Variants in PDGFC observed in about 807,000 individuals in gnomAD.
The protein encoded by PDGFC is platelet derived growth factor C.
A neutral mutation model predicts 35.5 loss-of-function variants in PDGFC; 12 were observed. That is an observed-to-expected ratio of 0.34 (90% CI 0.22 to 0.55). The LOEUF is 0.55. Ranked by LOEUF, PDGFC falls within the 20% of genes least tolerant of loss-of-function variation. PDGFC has a pLI of 0.91. For missense variants in PDGFC, 322 were observed against 412.4 expected (o/e 0.78, Z 1.90); for synonymous variants, 159 against 148.8 (o/e 1.07, Z -0.50).
chr4:156,903,352 T>G (rs1318044322), intron 1 of PDGFC, among the ~76,000 whole-genome samples: 2 of 152,058 alleles, frequency 1.3e-5, no homozygotes, highest in South Asian at 2.1e-4. Context: ...AAACATGCAC[T>G]TAATGAAAAC....
chr4:156,846,799 C>T (rs1729336938), intron 2 of PDGFC, among the ~76,000 whole-genome samples: 1 of 151,286 alleles, frequency 6.6e-6, no homozygotes, highest in Admixed American at 6.6e-5. Context: ...AGATATTTTC[C>T]CTAAGGGGAA....
chr4:156,858,399 A>T (rs561259491), intron 1 of PDGFC, among the ~76,000 whole-genome samples: 2 of 152,250 alleles, frequency 1.3e-5, no homozygotes, highest in African/African-American at 2.4e-5. Context: ...CCAAGTATAT[A>T]CACACAGAAT....
At position 156,878,291 on chromosome 4, in the gene PDGFC, T is replaced by G. The variant is rs534789035; in HGVS notation, c.119-27875A>C. On this transcript the variant is annotated intron_variant, in intron 1 of 5. Transcript: ENST00000502773. The stretch of plus-strand genomic sequence containing the variant: ...TGAGGAGGGTGAGAGCAAGGAGCAG[T>G]GAAGTCCAGTCACCAGATCCAATCA... Among the ~76,000 whole-genome samples, 10 of 152,274 alleles carry G rather than the reference T, an allele frequency of 6.6e-5. No homozygotes were observed. In the South Asian group the frequency reaches 1.9e-3, roughly 28 times the overall value.
chr4:156,906,727 T>A (rs1327161271), intron 1 of PDGFC, among the ~76,000 whole-genome samples: 1 of 152,220 alleles, frequency 6.6e-6, no homozygotes, highest in Non-Finnish European at 1.5e-5. Flanking sequence ...ATTTCCTCTT[T>A]GCAGACTTAG....
intron 1 of PDGFC, among the ~76,000 whole-genome samples, chr4:156,890,426 T>C (rs1190578731): frequency 6.6e-6 from 1 of 152,172 alleles, no homozygotes; most frequent in Non-Finnish European, 1.5e-5. Flanking sequence ...GCTTCAGCAC[T>C]TGGCACGCGC....
At chr4:156,922,373 C>A (rs1731306533) in intron 1 of PDGFC, among the ~76,000 whole-genome samples, 1 of 152,172 alleles carries the variant, frequency 6.6e-6, no homozygotes, top group Non-Finnish European at 1.5e-5. Context: ...AGTACTATAG[C>A]AGGCATTGAG....
At chr4:156,827,438 T>C (rs1180428020) in intron 2 of PDGFC, among the ~76,000 whole-genome samples, 2 of 148,482 alleles carry the variant, frequency 1.3e-5, no homozygotes, top group Admixed American at 6.6e-5. Flanking sequence ...AAATAACAGA[T>C]TGATACACTT....
intron 2 of PDGFC, among the ~76,000 whole-genome samples, chr4:156,824,909 C>T (rs2110992983): frequency 6.6e-6 from 1 of 152,214 alleles, no homozygotes; most frequent in African/African-American, 2.4e-5. Context: ...TGGTATGTGG[C>T]TGTCTGTAGA....
intron 1 of PDGFC, among the ~76,000 whole-genome samples, chr4:156,871,312 T>C (rs938671023): frequency 6.6e-6 from 1 of 151,766 alleles, no homozygotes; most frequent in African/African-American, 2.4e-5. Flanking sequence ...TAGATTTATT[T>C]TTCCCCCCCT....
chr4:156,840,869 A>G (rs1367062644), intron 2 of PDGFC, among the ~76,000 whole-genome samples: 1 of 152,144 alleles, frequency 6.6e-6, no homozygotes, highest in African/African-American at 2.4e-5. Context: ...TTGGACTTAC[A>G]TGTTATATTA....
At chr4:156,941,382 A>C (rs562373601) in intron 1 of PDGFC, among the ~76,000 whole-genome samples, 1 of 152,298 alleles carries the variant, frequency 6.6e-6, no homozygotes, top group Admixed American at 6.5e-5. Flanking sequence ...GACGGTCAAC[A>C]ACCATGAAAG....
chr4:156,762,119 T>G lies in PDGFC; in HGVS notation c.*971A>C, dbSNP rs533325220. ...CTTACCAATTCTATTCCAATTCAGTTTTTTAAAATGCAGATTAATCTAACT... is the reference window on the plus strand; with the variant it reads ...CTTACCAATTCTATTCCAATTCAGTGTTTTAAAATGCAGATTAATCTAACT... On this transcript the variant is annotated 3_prime_UTR_variant, in exon 6 of 6. Transcript: ENST00000502773. The G allele has an allele frequency of 7.9e-5, 12 of 152,764 alleles. No homozygotes were observed. The highest frequency in any genetic ancestry group is 1.2e-4 in the Non-Finnish European group (8 of 68,032). The allele number at this position is 152,764 out of a possible 1,614,324, so 9.5% of individuals were successfully genotyped here. A position where few individuals can be genotyped will look rare whatever the true frequency, so the allele number is the denominator to read the frequency against.
chr4:156,771,695 G>T (rs1032781866), intron 4 of PDGFC, among the ~76,000 whole-genome samples: 1 of 152,088 alleles, frequency 6.6e-6, no homozygotes, highest in Admixed American at 6.6e-5. Flanking sequence ...GCAGGAATCG[G>T]GTTTCCTTCT....
intron 1 of PDGFC, among the ~76,000 whole-genome samples, chr4:156,905,605 C>A (rs1031834601): frequency 1.3e-5 from 2 of 152,026 alleles, no homozygotes; most frequent in South Asian, 4.1e-4. Context: ...CAACATTTTC[C>A]AAACTATCAA....
At chr4:156,851,507 T>C (rs550001291) in intron 1 of PDGFC, among the ~76,000 whole-genome samples, 5 of 152,250 alleles carry the variant, frequency 3.3e-5, no homozygotes, top group Middle Eastern at 3.4e-3. Flanking sequence ...TTGGCACTGC[T>C]GAGAAAGGAA....
At chr4:156,963,413 G>C (rs990718919) in intron 1 of PDGFC, among the ~76,000 whole-genome samples, 7 of 152,120 alleles carry the variant, frequency 4.6e-5, no homozygotes, top group East Asian at 1.9e-4. Context: ...TAAGGCTGCA[G>C]TGAGCTGTGA....
intron 1 of PDGFC, among the ~76,000 whole-genome samples, chr4:156,908,437 A>C (rs1355836335): frequency 1.3e-5 from 2 of 152,134 alleles, no homozygotes; most frequent in Non-Finnish European, 2.9e-5. Flanking sequence ...GCCAAATTAG[A>C]ATTAGAATAT....
intron 1 of PDGFC, among the ~76,000 whole-genome samples, chr4:156,906,962 G>T (rs879258755): frequency 3.3e-5 from 5 of 152,282 alleles, no homozygotes; most frequent in Admixed American, 2.6e-4. Context: ...TAACATGGAT[G>T]CAGCCAAAAC....
chr4:156,936,012 G>T (rs1731671539), intron 1 of PDGFC, among the ~76,000 whole-genome samples: 1 of 152,198 alleles, frequency 6.6e-6, no homozygotes, highest in African/African-American at 2.4e-5. Context: ...ATGTGAAGTT[G>T]TAATTACAAA....
Sources: gnomAD v4.1 joint callset for allele counts (sites outside exome capture counted in the v4.1 genomes callset) on GRCh38, gnomAD v4.1.1 for gene constraint, MANE v1.5 for transcripts, NCBI Gene and HGNC (gene_info 2026-07-23, HGNC 2026-07-21) for gene names.